The following AASDH variants were observed in gnomAD, a reference collection of about 807,000 sequenced individuals.
AASDH encodes the protein beta-alanine-activating enzyme.
In AASDH, 81 loss-of-function variants were observed where a neutral mutation model predicts 102.3. The ratio of observed to expected loss-of-function variants is 0.79; its 90% CI spans 0.66 to 0.95. The LOEUF (loss-of-function observed/expected upper bound fraction) is 0.95, where lower values mean the gene tolerates loss of function less well. Ranked by LOEUF, AASDH falls within the 40% of genes least tolerant of loss-of-function variation. The probability of loss-of-function intolerance (pLI) is 0.00; values close to 1 mark genes in which losing one functional copy is unlikely to be tolerated. For missense variants in AASDH, 1,203 were observed against 1,266.2 expected, an observed-to-expected ratio of 0.95 and a Z score of 0.76; for synonymous variants, 398 against 454.0, an observed-to-expected ratio of 0.88 and a Z score of 1.57.
intron 9 of AASDH, among the ~76,000 whole-genome samples, chr4:56,352,179 C>T (rs1045012337): frequency 9.2e-5 from 14 of 152,062 alleles, no homozygotes; most frequent in African/African-American, 3.1e-4. Flanking sequence ...GACAGAATAT[C>T]AATTCTATCA....
At position 56,338,523 on chromosome 4, in the gene AASDH, C is replaced by CTT. The variant is rs772788499; in HGVS notation, c.3174_3175dup (p.Ser1059LysfsTer50). 7.4e-5 allele frequency: 119 copies of CTT among 1,613,898 alleles called. No homozygotes were observed. Among genetic ancestry groups the CTT allele is most frequent in the Non-Finnish European group, 9.7e-5 (114 of 1,179,986 alleles). On this transcript the variant is annotated frameshift_variant, in exon 15 of 15. Coordinates refer to ENST00000205214, the MANE Select transcript of AASDH (RefSeq NM_181806.4). LOFTEE classifies it high-confidence loss of function. ...GACTTCTCCAGGAAGTTCATAAACA[C>CTT]TTTGCAATTGTCCACTCTGAGATTC...
intron 6 of AASDH, 117 bp from the exon 7 acceptor site, chr4:56,354,928 CAAAGACTG>C: frequency 1.2e-6 from 1 of 867,214 alleles, no homozygotes. Context: ...CGCTCTAATT[CAAAGACTG>C]ACAAGAGGAA....
At chr4:56,354,666 C>T (rs1417431174) in intron 7 of AASDH, 39 bp downstream of exon 7, 1 of 1,465,032 alleles carries the variant, frequency 6.8e-7, no homozygotes, top group Admixed American at 2.0e-5. Flanking sequence ...GATCATTTTT[C>T]TTGAAAAAAA....
At chr4:56,373,015 GT>G in intron 4 of AASDH, among the ~76,000 whole-genome samples, 2 of 152,292 alleles carry the variant, frequency 1.3e-5, no homozygotes, top group East Asian at 3.9e-4. Flanking sequence ...TTCCTCCCAC[GT>G]ATAGGGCAGG....
chr4:56,364,593 C>A (rs966069355), intron 5 of AASDH, among the ~76,000 whole-genome samples: 4 of 152,138 alleles, frequency 2.6e-5, no homozygotes, highest in African/African-American at 9.7e-5. Flanking sequence ...AATTTTCAAC[C>A]CAGAATTTCA....
chr4:56,384,021 T>G, intron 2 of AASDH, 49 bp downstream of exon 2: 1 of 1,492,300 alleles, frequency 6.7e-7, no homozygotes, highest in Non-Finnish European at 9.3e-7. Context: ...TATTAAAAAT[T>G]TACATTAGCT....
chr4:56,367,357 GA>G (rs1274920264), intron 5 of AASDH, among the ~76,000 whole-genome samples: 1 of 145,190 alleles, frequency 6.9e-6, no homozygotes, highest in Non-Finnish European at 1.5e-5. Flanking sequence ...CACAGAATTG[GA>G]AAAAACTACT....
At chr4:56,339,161 TA>T (rs1352522710) in intron 14 of AASDH, among the ~76,000 whole-genome samples, 3 of 137,130 alleles carry the variant, frequency 2.2e-5, no homozygotes, top group Non-Finnish European at 4.7e-5. Context: ...TTATTATTAT[TA>T]TTTTTTTTTG....
Position 56,356,364 on chromosome 4 carries a change from C to T in AASDH, c.862-941G>A, listed in dbSNP as rs1043893439. On this transcript the variant is annotated intron_variant, in intron 5 of 14. Coordinates refer to ENST00000205214, the MANE Select transcript of AASDH (RefSeq NM_181806.4). Reference sequence around the variant, plus strand: ...CCTCAATAAGCGGCTGAAAGTGCCTCCTGCGATTAACCAGTTCACCCAGGC... The same window carrying T: ...CCTCAATAAGCGGCTGAAAGTGCCTTCTGCGATTAACCAGTTCACCCAGGC... The T allele has an allele frequency of 4.4e-6, 7 of 1,587,296 alleles. No individual in the cohort carries two copies. The African/African-American group carries it at 6.7e-5, about 15-fold the overall frequency.
chr4:56,365,368 C>A (rs1036021611), intron 5 of AASDH, among the ~76,000 whole-genome samples: 1 of 151,878 alleles, frequency 6.6e-6, no homozygotes, highest in Non-Finnish European at 1.5e-5. Flanking sequence ...ACCAAGCGGA[C>A]CTAACAGACA....
At chr4:56,341,788 GT>G (rs1747724199) in intron 14 of AASDH, among the ~76,000 whole-genome samples, 1 of 152,022 alleles carries the variant, frequency 6.6e-6, no homozygotes. Flanking sequence ...AGCTAAAAAA[GT>G]TGATCTCAGG....
At chr4:56,362,287 C>T (rs1578011610) in intron 5 of AASDH, among the ~76,000 whole-genome samples, 1 of 151,748 alleles carries the variant, frequency 6.6e-6, no homozygotes, top group African/African-American at 2.4e-5. Context: ...TTGTTTTAGA[C>T]TAAGTCTCAC....
chr4:56,385,912 CAAG>C (rs1753499998), intron 1 of AASDH, among the ~76,000 whole-genome samples: 1 of 146,918 alleles, frequency 6.8e-6, no homozygotes, highest in Admixed American at 6.8e-5. Flanking sequence ...CCGGCCGAGT[CAAG>C]TTTTCTTTTC....
At chr4:56,339,651 T>C (rs1168411345) in intron 14 of AASDH, among the ~76,000 whole-genome samples, 1 of 148,586 alleles carries the variant, frequency 6.7e-6, no homozygotes, top group African/African-American at 2.5e-5. Context: ...CTGGGGAGGC[T>C]GAGGTGGGAG....
chr4:56,339,439 C>G (rs1288609395), intron 14 of AASDH, among the ~76,000 whole-genome samples: 2 of 152,098 alleles, frequency 1.3e-5, no homozygotes, highest in Non-Finnish European at 2.9e-5. Context: ...GCCACCACAT[C>G]CAGCCTTCAG....
In AASDH at chr4:56,353,471, T is replaced by C. The variant is rs760894127; in HGVS notation, c.1509A>G (p.Lys503=). Residue 503 remains lysine (K), a synonymous_variant, in exon 9 of 15, where the codon AAA becomes AAG. Transcript: ENST00000205214. ...VKEYIFKELQ[K]YLPSHAVPDE... ...CCGGGACTGCATGACTTGGAAGATA[T>C]TTCTGCAGTTCTTTAAAGATGTATT... 1.2e-5 allele frequency: 19 copies of C among 1,613,888 alleles called. No homozygotes were observed. The Admixed American group carries it at 2.2e-4, about 18-fold the overall frequency.
chr4:56,354,615 A>C, intron 7 of AASDH, 90 bp downstream of exon 7: 1 of 940,146 alleles, frequency 1.1e-6, no homozygotes, highest in South Asian at 1.7e-5. Context: ...AGCATGAGAT[A>C]GACAAAAGAA....
chr4:56,359,016 C>G (rs550386805), intron 5 of AASDH, among the ~76,000 whole-genome samples: 1 of 151,872 alleles, frequency 6.6e-6, no homozygotes, highest in Non-Finnish European at 1.5e-5. Flanking sequence ...ACTGTTACAT[C>G]TTATTGATAT....
rs1748698245 is a variant in AASDH at position 56,349,371 on chromosome 4, T to G, written c.2380A>C (p.Met794Leu). 16 of 1,614,106 alleles carry G rather than the reference T, an allele frequency of 9.9e-6. No homozygotes were observed. Among genetic ancestry groups the G allele is most frequent in the Non-Finnish European group, 1.3e-5 (15 of 1,180,044 alleles). ...TVYIGSHSHRMKAVDFYSGKV... is the reference protein window; with the variant it reads ...TVYIGSHSHRLKAVDFYSGKV... Reference sequence around the variant, plus strand: ...CCAGAGTAAAAGTCAACTGCCTTCATTCTATGAGAATGGGAACCAATGTAC... The same window carrying G: ...CCAGAGTAAAAGTCAACTGCCTTCAGTCTATGAGAATGGGAACCAATGTAC... The change falls in exon 11 of 15, where the codon ATG becomes CTG. Residue 794 changes from methionine to leucine, a missense_variant. By Grantham distance (15) the Met-to-Leu change is conservative. Coordinates refer to ENST00000205214, the MANE Select transcript of AASDH (RefSeq NM_181806.4).
Sources: allele counts gnomAD v4.1 joint callset (sites outside exome capture counted in the v4.1 genomes callset), GRCh38; gene constraint gnomAD v4.1.1; transcripts MANE v1.5; gene names NCBI Gene and HGNC (gene_info 2026-07-23, HGNC 2026-07-21).